Variants in PVT1 observed in about 807,000 individuals in gnomAD.
PVT1 encodes the protein CXCR4/PVT1 fusion.
intron 2 of PVT1, among the ~76,000 whole-genome samples, chr8:127,866,373 G>A (rs1480968420): frequency 6.6e-6 from 1 of 152,122 alleles, no homozygotes; most frequent in Non-Finnish European, 1.5e-5. Flanking sequence ...GGCAGAGTGG[G>A]GGCCAGATGA....
intron 2 of PVT1, among the ~76,000 whole-genome samples, chr8:127,798,424 A>G (rs1814422667): frequency 6.6e-6 from 1 of 152,112 alleles, no homozygotes; most frequent in Non-Finnish European, 1.5e-5. Context: ...TTGCATGAAG[A>G]TACCTCATGC....
intron 2 of PVT1, among the ~76,000 whole-genome samples, chr8:127,835,939 T>G (rs1299705759): frequency 6.6e-6 from 1 of 152,216 alleles, no homozygotes; most frequent in East Asian, 1.9e-4. Flanking sequence ...TCCTGGTCTT[T>G]GATCAGTTCC....
chr8:127,881,898 G>T (rs1815471611), intron 2 of PVT1, among the ~76,000 whole-genome samples: 1 of 152,006 alleles, frequency 6.6e-6, no homozygotes, highest in Non-Finnish European at 1.5e-5. Context: ...CGCCACCACT[G>T]CCAGCTAATT....
intron 2 of PVT1, among the ~76,000 whole-genome samples, chr8:127,807,492 C>A (rs1814540983): frequency 6.6e-6 from 1 of 151,996 alleles, no homozygotes; most frequent in East Asian, 2.0e-4. Context: ...AGCCACCATG[C>A]CTGTATTTTT....
In PVT1 at chr8:127,796,037, T is replaced by C. The variant is rs558606115; in HGVS notation, n.338T>C. On this transcript the variant is annotated non_coding_transcript_exon_variant, in exon 2 of 11. Transcript: ENST00000651587. The stretch of plus-strand genomic sequence containing the variant: ...AGGACGTGCCTCGTGGTCTAAAGCT[T>C]CGGCACAAGGGCCCAACTGGAATTC... The C allele has an allele frequency of 1.3e-3, 228 of 170,498 alleles. 2 individuals carry two copies. The highest frequency in any genetic ancestry group is 1.0e-4 in the Non-Finnish European group (7 of 68,300). 10.6% of individuals were successfully genotyped at this position (170,498 alleles called of 1,614,324 possible). A position where few individuals can be genotyped will look rare whatever the true frequency, so the allele number is the denominator to read the frequency against.
intron 5 of PVT1, among the ~76,000 whole-genome samples, chr8:128,078,633 AT>A (rs1814125126): frequency 6.6e-6 from 1 of 152,240 alleles, no homozygotes; most frequent in Non-Finnish European, 1.5e-5. Context: ...AACTGTAGGA[AT>A]CGTAGACTAT....
At chr8:127,859,920 A>C (rs1053183760) in intron 2 of PVT1, among the ~76,000 whole-genome samples, 1 of 151,788 alleles carries the variant, frequency 6.6e-6, no homozygotes, top group Non-Finnish European at 1.5e-5. Context: ...TCCTGAGGGG[A>C]GATCACTTTC....
chr8:128,041,637 TGTG>T (rs1813546829), intron 4 of PVT1, among the ~76,000 whole-genome samples: 1 of 151,426 alleles, frequency 6.6e-6, no homozygotes, highest in Admixed American at 6.6e-5. Flanking sequence ...TGTGTGCATG[TGTG>T]GTGAATGTGT....
chr8:127,812,729 G>A (rs1814612672), intron 2 of PVT1, among the ~76,000 whole-genome samples: 1 of 150,568 alleles, frequency 6.6e-6, no homozygotes. Flanking sequence ...AAGAAAGAAG[G>A]AAGGAAAAAA....
At chr8:127,870,137 A>G (rs1433596762) in intron 2 of PVT1, among the ~76,000 whole-genome samples, 1 of 152,126 alleles carries the variant, frequency 6.6e-6, no homozygotes, top group Non-Finnish European at 1.5e-5. Context: ...ATTACTTAAG[A>G]TGATATCATA....
chr8:127,801,959 AG>A (rs1814469893), intron 2 of PVT1, among the ~76,000 whole-genome samples: 1 of 151,958 alleles, frequency 6.6e-6, no homozygotes. Context: ...CCTGTTGCCC[AG>A]CCTGGAGTGC....
At chr8:128,071,625 C>T (rs1270457204) in intron 5 of PVT1, among the ~76,000 whole-genome samples, 1 of 151,238 alleles carries the variant, frequency 6.6e-6, no homozygotes, top group Non-Finnish European at 1.5e-5. Flanking sequence ...GTCAAGGCTA[C>T]AGTGAGCTCT....
At chr8:127,925,579 GA>G (rs1175702487) in intron 3 of PVT1, among the ~76,000 whole-genome samples, 2 of 152,180 alleles carry the variant, frequency 1.3e-5, no homozygotes, top group Non-Finnish European at 2.9e-5. Context: ...AATAATTATT[GA>G]GATTATATAG....
At chr8:127,825,909 C>T (rs1329161631) in intron 2 of PVT1, among the ~76,000 whole-genome samples, 10 of 151,694 alleles carry the variant, frequency 6.6e-5, no homozygotes, top group Non-Finnish European at 1.5e-5. Context: ...GGAGTGCAGT[C>T]GCACAATCAT....
At chr8:128,052,564 C>T (rs1183608785) in intron 4 of PVT1, among the ~76,000 whole-genome samples, 1 of 152,216 alleles carries the variant, frequency 6.6e-6, no homozygotes, top group Admixed American at 6.5e-5. Flanking sequence ...AAGGGATAGA[C>T]ACTGGAGACT....
At chr8:128,009,554 A>T (rs554184861) in intron 4 of PVT1, 4 of 152,228 alleles carry the variant, frequency 2.6e-5, no homozygotes, top group African/African-American at 7.2e-5. Flanking sequence ...GAGCTCTGTG[A>T]GTTTTCAAAA....
intron 4 of PVT1, among the ~76,000 whole-genome samples, chr8:127,990,446 G>T (rs776701063): frequency 2.0e-5 from 3 of 152,136 alleles, no homozygotes; most frequent in Non-Finnish European, 2.9e-5. Flanking sequence ...ACCAAAAGAA[G>T]AAAGTTTTTA....
intron 3 of PVT1, among the ~76,000 whole-genome samples, chr8:127,981,270 C>T (rs1352834683): frequency 6.6e-6 from 1 of 152,186 alleles, no homozygotes; most frequent in Non-Finnish European, 1.5e-5. Context: ...CAAGAGGGCC[C>T]TTGTGGGGAA....
chr8:128,003,939 T>C (rs141997999), intron 4 of PVT1, among the ~76,000 whole-genome samples: 35 of 152,362 alleles, frequency 2.3e-4, no homozygotes, highest in African/African-American at 7.9e-4. Context: ...GTGAACTGAT[T>C]CAGTTTCTGG....
Sources: allele counts gnomAD v4.1 joint callset (sites outside exome capture counted in the v4.1 genomes callset), GRCh38; gene constraint gnomAD v4.1.1; transcripts MANE v1.5; gene names NCBI Gene and HGNC (gene_info 2026-07-23, HGNC 2026-07-21).